The following CDK17 variants were observed in gnomAD, a reference collection of about 807,000 sequenced individuals.
CDK17 encodes the protein cyclin-dependent kinase 17.
In CDK17, 24 loss-of-function variants were observed where a neutral mutation model predicts 77.6. The observed-to-expected ratio is 0.31, with a 90% confidence interval of 0.22 to 0.44. The LOEUF is 0.44. Ranked by LOEUF, CDK17 falls within the 20% of genes least tolerant of loss-of-function variation. CDK17 has a pLI of 1.00. For synonymous variants in CDK17, 203 were observed against 210.4 expected, an observed-to-expected ratio of 0.96 and a Z score of 0.30; for missense variants, 429 against 622.5, an observed-to-expected ratio of 0.69 and a Z score of 3.31.
chr12:96,376,770 T>C (rs1953787848), intron 1 of CDK17, among the ~76,000 whole-genome samples: 1 of 152,128 alleles, frequency 6.6e-6, no homozygotes, highest in Non-Finnish European at 1.5e-5. Flanking sequence ...CAGAGGACCA[T>C]AAAACCAGTA....
chr12:96,352,068 C>T (rs1008131604), intron 1 of CDK17, among the ~76,000 whole-genome samples: 2 of 152,102 alleles, frequency 1.3e-5, no homozygotes, highest in African/African-American at 4.8e-5. Flanking sequence ...GAGAAGTGAA[C>T]CTGCAATAGG....
intron 3 of CDK17, among the ~76,000 whole-genome samples, chr12:96,323,452 C>T (rs1260043867): frequency 2.6e-5 from 4 of 151,796 alleles, no homozygotes; most frequent in African/African-American, 9.7e-5. Flanking sequence ...CAGAGTGAGA[C>T]ACTGTCTCAA....
intron 1 of CDK17, among the ~76,000 whole-genome samples, chr12:96,397,113 GA>G (rs1954183466): frequency 6.6e-6 from 1 of 151,794 alleles, no homozygotes; most frequent in African/African-American, 2.4e-5. Flanking sequence ...TGAAAATAAG[GA>G]AAAAAACAAG....
At chr12:96,352,377 G>A (rs1276766205) in intron 1 of CDK17, among the ~76,000 whole-genome samples, 4 of 151,928 alleles carry the variant, frequency 2.6e-5, no homozygotes, top group African/African-American at 9.7e-5. Context: ...AGCCAGAAGT[G>A]GGGCTAGAGA....
chr12:96,328,165 G>T (rs1257688937), intron 2 of CDK17, among the ~76,000 whole-genome samples: 2 of 152,070 alleles, frequency 1.3e-5, no homozygotes, highest in Non-Finnish European at 2.9e-5. Flanking sequence ...TGCATGCGAG[G>T]GATCTAGGTT....
intron 10 of CDK17, among the ~76,000 whole-genome samples, chr12:96,289,866 T>C (rs1332425118): frequency 6.6e-6 from 1 of 152,230 alleles, no homozygotes; most frequent in African/African-American, 2.4e-5. Flanking sequence ...GTAAGTTACA[T>C]GGATCATTCT....
chr12:96,278,390 A>T lies in CDK17; in HGVS notation c.*1852T>A, dbSNP rs1159636341. 2.0e-5 allele frequency: 3 copies of T among 152,152 alleles called. No individual in the cohort carries two copies. Among genetic ancestry groups the T allele is most frequent in the Non-Finnish European group, 4.4e-5 (3 of 67,974 alleles). 9.4% of individuals were successfully genotyped at this position (152,152 alleles called of 1,614,324 possible). ...TTATAATTGAGAGTGCTATAAAAAA[A>T]ACCCAGCAGAAATTACTAAGCAAAT... On this transcript the variant is annotated 3_prime_UTR_variant, in exon 17 of 17. Coordinates refer to ENST00000261211, the MANE Select transcript of CDK17 (RefSeq NM_002595.5).
chr12:96,348,698 T>C lies in CDK17; in HGVS notation c.-29-13833A>G, dbSNP rs536083203. Reference sequence around the variant, plus strand: ...TAAAAGAATGCTATGAACAATTATATGCTAACAAATTGGATAGCTTAATGA... The same window carrying C: ...TAAAAGAATGCTATGAACAATTATACGCTAACAAATTGGATAGCTTAATGA... On this transcript the variant is annotated intron_variant, in intron 1 of 16. Transcript: ENST00000261211. 1.2e-4 allele frequency among the ~76,000 whole-genome samples: 18 copies of C among 152,280 alleles called. No homozygotes were observed. In the East Asian group the frequency reaches 3.1e-3, roughly 26 times the overall value.
chr12:96,379,810 T>C (rs1447466286), intron 1 of CDK17, among the ~76,000 whole-genome samples: 1 of 152,106 alleles, frequency 6.6e-6, no homozygotes, highest in African/African-American at 2.4e-5. Flanking sequence ...CATTTCCTCA[T>C]CGGAAGATAA....
intron 1 of CDK17, among the ~76,000 whole-genome samples, chr12:96,336,526 A>C (rs981302226): frequency 1.3e-5 from 2 of 152,230 alleles, no homozygotes. Flanking sequence ...AAAAATACTA[A>C]ATACACATTA....
chr12:96,371,447 A>C lies in CDK17; in HGVS notation c.-30+28539T>G, dbSNP rs774829609. ...TAAGGGGCATCATTTTAATAGGAAG[A>C]ACTAAATATATATTTAAATATTTAA... On this transcript the variant is annotated intron_variant, in intron 1 of 16. Transcript: ENST00000261211. Among the ~76,000 whole-genome samples, 9 of 152,354 alleles carry C rather than the reference A, an allele frequency of 5.9e-5. No homozygotes were observed. In the South Asian group the frequency reaches 8.3e-4, roughly 14 times the overall value.
At chr12:96,352,274 G>A (rs1422810571) in intron 1 of CDK17, among the ~76,000 whole-genome samples, 1 of 152,138 alleles carries the variant, frequency 6.6e-6, no homozygotes, top group Non-Finnish European at 1.5e-5. Flanking sequence ...AGAGCTGAGA[G>A]AAACCCCTGT....
intron 15 of CDK17, among the ~76,000 whole-genome samples, chr12:96,281,420 G>C (rs1952176688): frequency 6.6e-6 from 1 of 152,248 alleles, no homozygotes; most frequent in African/African-American, 2.4e-5. Context: ...CCAGGCTAGA[G>C]TGCAGTGGCA....
At chr12:96,285,376 A>C (rs566846469) in intron 13 of CDK17, among the ~76,000 whole-genome samples, 2 of 152,266 alleles carry the variant, frequency 1.3e-5, no homozygotes, top group East Asian at 3.9e-4. Flanking sequence ...TGTTGTGAGC[A>C]ATGTGAATGG....
intron 1 of CDK17, among the ~76,000 whole-genome samples, chr12:96,386,555 G>A (rs1021105084): frequency 6.6e-6 from 1 of 152,090 alleles, no homozygotes; most frequent in Non-Finnish European, 1.5e-5. Flanking sequence ...CTACTCAGGA[G>A]GCTTAAGTGG....
At chr12:96,316,297 AGGG>A (rs555291831) in intron 3 of CDK17, among the ~76,000 whole-genome samples, 417 of 152,070 alleles carry the variant, frequency 2.7e-3, no homozygotes, top group Non-Finnish European at 4.6e-3. Flanking sequence ...CCTGGCTCGG[AGGG>A]TCCTACGCCC....
At chr12:96,338,383 T>G (rs1409598149) in intron 1 of CDK17, among the ~76,000 whole-genome samples, 1 of 152,200 alleles carries the variant, frequency 6.6e-6, no homozygotes, top group Non-Finnish European at 1.5e-5. Flanking sequence ...GCTTTTCTCT[T>G]AAGTTCTATG....
At chr12:96,280,569 G>T in intron 16 of CDK17, 1 of 1,413,034 alleles carries the variant, frequency 7.1e-7, no homozygotes, top group Non-Finnish European at 9.2e-7. Flanking sequence ...AGGTCTTTGT[G>T]CCATCTGCAG....
intron 1 of CDK17, among the ~76,000 whole-genome samples, chr12:96,385,817 G>A (rs1953963941): frequency 6.6e-6 from 1 of 151,880 alleles, no homozygotes. Flanking sequence ...CATACAGATA[G>A]GAAACAGTAT....
Sources: allele counts gnomAD v4.1 joint callset (sites outside exome capture counted in the v4.1 genomes callset), GRCh38; gene constraint gnomAD v4.1.1; transcripts MANE v1.5; gene names NCBI Gene and HGNC (gene_info 2026-07-23, HGNC 2026-07-21).